Variants in NAA35 observed in about 807,000 individuals in gnomAD.
The protein encoded by NAA35 is MAK10 homolog, amino-acid N-acetyltransferase subunit.
NAA35 carries 18 observed loss-of-function variants against 101.7 expected under a neutral mutation model. The observed-to-expected ratio is 0.18, with a 90% CI of 0.12 to 0.26. The LOEUF (loss-of-function observed/expected upper bound fraction) is 0.26, where lower values mean the gene tolerates loss of function less well. NAA35 is among the 10% of genes least tolerant of loss of function. The pLI is 1.00. For missense variants in NAA35, 601 were observed against 886.8 expected, an observed-to-expected ratio of 0.68 and a Z score of 4.09; for synonymous variants, 267 against 273.1, an observed-to-expected ratio of 0.98 and a Z score of 0.22.
chr9:86,009,960 T>C, intron 15 of NAA35, 29 bp downstream of exon 15: 2 of 1,576,960 alleles, frequency 1.3e-6, no homozygotes, highest in African/African-American at 1.3e-5. Context: ...ATTGTCATAA[T>C]GGGTACTTTA....
intron 11 of NAA35, chr9:85,986,564 C>T: frequency 2.5e-6 from 1 of 401,912 alleles, no homozygotes; most frequent in South Asian, 1.9e-5. Flanking sequence ...TTGTTTTTTG[C>T]CAATGTGTAG....
In NAA35 at chr9:86,020,985, G is replaced by GA. The variant is rs1832516926; in HGVS notation, c.2118+21dup. 3.8e-6 allele frequency: 6 copies of GA among 1,572,376 alleles called. No homozygotes were observed. The highest frequency in any genetic ancestry group is 2.3e-5 in the East Asian group (1 of 44,168). ...GGAATCTAAAGTGAGTACATTGTGG[G>GA]AAAAATAAGTGGTCTTAGATTATTG... is the stretch of plus-strand genomic sequence containing the variant. On this transcript the variant is annotated intron_variant, in intron 22 of 22. Transcript: ENST00000361671.
At chr9:85,948,903 G>A (rs1011866801) in intron 2 of NAA35, among the ~76,000 whole-genome samples, 2 of 151,812 alleles carry the variant, frequency 1.3e-5, no homozygotes, top group South Asian at 2.1e-4. Context: ...GATTACTGGC[G>A]CCCACCACAT....
At chr9:85,976,786 ATGT>A in intron 9 of NAA35, 51 bp downstream of exon 9, 1 of 1,386,844 alleles carries the variant, frequency 7.2e-7, no homozygotes, top group Non-Finnish European at 1.0e-6. Flanking sequence ...CTACCTGTTA[ATGT>A]TGTAGTTTTA....
chr9:85,944,513 A>G (rs78164323), intron 2 of NAA35, among the ~76,000 whole-genome samples: 3,194 of 152,290 alleles, frequency 0.021, 61 homozygotes, highest in Middle Eastern at 0.051. Context: ...AGAACAAATA[A>G]GTTCATGTTG....
At chr9:85,943,345 A>G (rs978324245) in intron 2 of NAA35, among the ~76,000 whole-genome samples, 2 of 152,112 alleles carry the variant, frequency 1.3e-5, no homozygotes, top group Admixed American at 1.3e-4. Context: ...ATAAAAGTAT[A>G]TTTCTAAGTG....
At chr9:86,010,076 C>G (rs770203173) in intron 15 of NAA35, 145 bp downstream of exon 15, 92 of 645,398 alleles carry the variant, frequency 1.4e-4, no homozygotes, top group Non-Finnish European at 2.3e-4. Flanking sequence ...CATAGTGAAA[C>G]CCCATCTCTA....
At chr9:85,959,983 G>C in intron 5 of NAA35, 116 bp downstream of exon 5, 1 of 645,014 alleles carries the variant, frequency 1.6e-6, no homozygotes, top group Admixed American at 2.9e-5. Flanking sequence ...ACTTGCCCTA[G>C]TAAAGATGTG....
chr9:85,967,706 G>A (rs577418841), intron 6 of NAA35, among the ~76,000 whole-genome samples: 2 of 152,086 alleles, frequency 1.3e-5, no homozygotes, highest in South Asian at 2.1e-4. Context: ...GGAGGCTGAG[G>A]CAGGAGAATG....
chr9:86,018,240 C>T lies in NAA35; in HGVS notation c.1774-15C>T, dbSNP rs1158304950. 3 of 1,596,242 alleles carry T rather than the reference C, an allele frequency of 1.9e-6. No homozygotes were observed. The highest frequency in any genetic ancestry group is 1.1e-5 in the South Asian group (1 of 89,274). ...TATTGATTTCATCTTTTTTCTTATT[C>T]CCTTTTTCATTTAGACCATGGTAGC... On this transcript the variant is annotated splice_polypyrimidine_tract_variant and intron_variant, in intron 19 of 22. Transcript: ENST00000361671.
intron 11 of NAA35, among the ~76,000 whole-genome samples, chr9:85,990,098 T>C (rs1830838013): frequency 6.6e-6 from 1 of 152,238 alleles, no homozygotes; most frequent in South Asian, 2.1e-4. Flanking sequence ...TCATGGTGCA[T>C]GCTCAGCTTC....
Position 85,996,428 on chromosome 9 carries a change from C to T in NAA35, c.907C>T (p.Leu303Phe). ...TCCAATTATGATGGGTTTTGAACCC[C>T]TTGTGAACCAGAGGCTACTTCCACC... ...DHPIMMGFEPLVNQRLLPPTF... is the reference protein window; with the variant it reads ...DHPIMMGFEPFVNQRLLPPTF... Residue 303 changes from leucine to phenylalanine, a missense_variant, in exon 12 of 23, where the codon CTT becomes TTT. Physicochemically the swap from Leu to Phe is conservative, Grantham distance 22 (BLOSUM62 0). Transcript: ENST00000361671. 1 of 1,603,628 alleles carries T rather than the reference C, an allele frequency of 6.2e-7. No individual in the cohort carries two copies. The highest frequency in any genetic ancestry group is 1.8e-5 in the Admixed American group (1 of 56,948).
At chr9:86,004,690 G>C (rs370863481) in intron 13 of NAA35, among the ~76,000 whole-genome samples, 1 of 152,142 alleles carries the variant, frequency 6.6e-6, no homozygotes, top group Non-Finnish European at 1.5e-5. Flanking sequence ...ATAAGAGAAA[G>C]ATAAAAATGA....
At chr9:86,000,204 A>AT (rs1168694441) in intron 12 of NAA35, among the ~76,000 whole-genome samples, 1 of 152,018 alleles carries the variant, frequency 6.6e-6, no homozygotes, top group Non-Finnish European at 1.5e-5. Context: ...ACATTTATTG[A>AT]TTTTTTTGTA....
chr9:86,017,653 A>T, intron 19 of NAA35, 88 bp downstream of exon 19: 1 of 1,071,916 alleles, frequency 9.3e-7, no homozygotes. Context: ...GATTCTTTCC[A>T]TATTATAATT....
At chr9:85,969,619 A>T (rs1303852098) in intron 6 of NAA35, among the ~76,000 whole-genome samples, 1 of 152,094 alleles carries the variant, frequency 6.6e-6, no homozygotes, top group African/African-American at 2.4e-5. Flanking sequence ...TCTTCTGCAC[A>T]TACCTTAATT....
At chr9:85,986,498 G>T (rs1255601681) in intron 11 of NAA35, 2 of 467,744 alleles carry the variant, frequency 4.3e-6, no homozygotes, top group Non-Finnish European at 8.8e-6. Context: ...TAGAGATGGA[G>T]GTGGAAGTCA....
Position 86,025,302 on chromosome 9 carries a change from C to T in NAA35, c.*3342C>T, listed in dbSNP as rs779791926. Among the ~76,000 whole-genome samples, 1 of 152,078 alleles carries T rather than the reference C, an allele frequency of 6.6e-6. No homozygotes were observed. The highest frequency in any genetic ancestry group is 1.5e-5 in the Non-Finnish European group (1 of 68,024). On this transcript the variant is annotated 3_prime_UTR_variant, in exon 23 of 23. Coordinates refer to ENST00000361671, the MANE Select transcript of NAA35 (RefSeq NM_024635.4). ...CTTGGCAAGTAAAGATTGCTGGCGA[C>T]TGGGGCGAGCTCTTTCTTGAAGGGG... is the stretch of plus-strand genomic sequence containing the variant.
rs1255765777 is a variant in NAA35 at position 86,024,552 on chromosome 9, AGGT to A, written c.*2593_*2595del. ...TGAGAGAAAATGTTGGTCTTAACAA[AGGT>A]AGTGGCAGAGCAGGTGGAAGAAAGT... On this transcript the variant is annotated 3_prime_UTR_variant, in exon 23 of 23. Coordinates refer to ENST00000361671, the MANE Select transcript of NAA35 (RefSeq NM_024635.4). 8.5e-5 allele frequency among the ~76,000 whole-genome samples: 13 copies of A among 152,194 alleles called. No individual in the cohort carries two copies. The highest frequency in any genetic ancestry group is 3.1e-4 in the African/African-American group (13 of 41,448).
Sources: allele counts gnomAD v4.1 joint callset (sites outside exome capture counted in the v4.1 genomes callset), GRCh38; gene constraint gnomAD v4.1.1; transcripts MANE v1.5; gene names NCBI Gene and HGNC (gene_info 2026-07-23, HGNC 2026-07-21).